Variants in CSMD1 observed in about 807,000 individuals in gnomAD.
CSMD1 encodes the protein CUB and Sushi multiple domains 1, also known as CUB and sushi domain-containing protein 1.
CSMD1 carries 213 observed loss-of-function variants against 417.5 expected under a neutral mutation model. That is an observed-to-expected ratio of 0.51 (90% confidence interval 0.46 to 0.57). CSMD1 has a LOEUF of 0.57. Among genes scored for constraint, CSMD1 ranks in the 20% least tolerant of loss-of-function variants. The pLI, the probability that CSMD1 is intolerant of heterozygous loss-of-function variation, is 0.00. For missense variants in CSMD1, 6,923 were observed against 4,529.7 expected, an observed-to-expected ratio of 1.53 and a Z score of -15.17; for synonymous variants, 2,862 against 1,736.8, an observed-to-expected ratio of 1.65 and a Z score of -16.11.
chr8:4,418,293 T>C (rs1257046841), intron 3 of CSMD1, among the ~76,000 whole-genome samples: 3 of 152,158 alleles, frequency 2.0e-5, no homozygotes, highest in Non-Finnish European at 2.9e-5. Flanking sequence ...TAGAAAGTTT[T>C]TCAGTTGATC....
intron 3 of CSMD1, among the ~76,000 whole-genome samples, chr8:4,173,503 G>C (rs752486654): frequency 2.0e-5 from 3 of 151,990 alleles, no homozygotes; most frequent in East Asian, 1.9e-4. Context: ...AAGTGCTCTC[G>C]GTAGATGGGG....
rs142206989 is a variant in CSMD1, at chr8:4,033,623, G to A, written c.416-1524C>T. 1.8e-4 allele frequency among the ~76,000 whole-genome samples: 27 copies of A among 152,248 alleles called. 1 individual carries two copies. The highest frequency in any genetic ancestry group is 5.8e-4 in the East Asian group (3 of 5,176). On this transcript the variant is annotated intron_variant, in intron 3 of 69. Transcript: ENST00000635120. ...TGTGGCTCAATCCTCTTGGGCACTT[G>A]TTCTCAGGACCTCCTGAGGGCTGCG...
At chr8:4,724,707 T>C (rs967707452) in intron 1 of CSMD1, among the ~76,000 whole-genome samples, 5 of 152,136 alleles carry the variant, frequency 3.3e-5, no homozygotes, top group African/African-American at 1.2e-4. Context: ...TTCTAAAAGA[T>C]GTATCTTGGT....
At chr8:3,269,734 G>T (rs528929951) in intron 26 of CSMD1, among the ~76,000 whole-genome samples, 79 of 152,280 alleles carry the variant, frequency 5.2e-4, no homozygotes, top group African/African-American at 1.8e-3. Context: ...TTTTATGCAT[G>T]ATTAAATGGT....
chr8:4,671,727 G>T (rs950602198), intron 1 of CSMD1, among the ~76,000 whole-genome samples: 2 of 147,872 alleles, frequency 1.4e-5, no homozygotes, highest in Non-Finnish European at 3.1e-5. Flanking sequence ...AGTATTGCTT[G>T]TGTGTGTGTG....
chr8:4,718,996 A>G (rs539130940), intron 1 of CSMD1, among the ~76,000 whole-genome samples: 2 of 152,284 alleles, frequency 1.3e-5, no homozygotes, highest in South Asian at 2.1e-4. Context: ...GAAGATATGT[A>G]GGTATGAGAA....
At chr8:3,762,829 G>A (rs1405968965) in intron 5 of CSMD1, among the ~76,000 whole-genome samples, 3 of 152,280 alleles carry the variant, frequency 2.0e-5, no homozygotes, top group South Asian at 2.1e-4. Flanking sequence ...CGTGTGTAAG[G>A]CAGCTGCCAG....
At chr8:4,817,102 C>T (rs894302333) in intron 1 of CSMD1, among the ~76,000 whole-genome samples, 1 of 152,124 alleles carries the variant, frequency 6.6e-6, no homozygotes, top group African/African-American at 2.4e-5. Flanking sequence ...TGTGTATATA[C>T]ATGCCTCCAT....
chr8:3,709,691 T>TTTTTTTTTTTTTTTTTTTTC (rs1801392983), intron 6 of CSMD1, among the ~76,000 whole-genome samples: 1 of 119,526 alleles, frequency 8.4e-6, no homozygotes, highest in Non-Finnish European at 1.8e-5. Context: ...TTTTTTTTTT[T>TTTTTTTTTTTTTTTTTTTTC]TTTTTTTTTT....
intron 2 of CSMD1, among the ~76,000 whole-genome samples, chr8:4,455,571 G>T (rs921104809): frequency 6.6e-6 from 1 of 152,070 alleles, no homozygotes; most frequent in South Asian, 2.1e-4. Flanking sequence ...TCCTGCTTGT[G>T]AGATCAAATT....
At chr8:4,470,934 T>A (rs532645423) in intron 2 of CSMD1, among the ~76,000 whole-genome samples, 1 of 152,194 alleles carries the variant, frequency 6.6e-6, no homozygotes, top group African/African-American at 2.4e-5. Context: ...AATAAGTATT[T>A]TTGGGATTTC....
intron 10 of CSMD1, among the ~76,000 whole-genome samples, chr8:3,553,724 A>C (rs1199162918): frequency 1.3e-5 from 2 of 152,226 alleles, no homozygotes; most frequent in African/African-American, 2.4e-5. Flanking sequence ...GAAGACATTA[A>C]AATATGTGAA....
At position 4,035,880 on chromosome 8, in the gene CSMD1, C is replaced by T. The variant is rs140940283; in HGVS notation, c.416-3781G>A. On this transcript the variant is annotated intron_variant, in intron 3 of 69. Coordinates refer to ENST00000635120, the MANE Select transcript of CSMD1 (RefSeq NM_033225.6). Reference sequence around the variant, plus strand: ...CAGTCGTACATAGTCCCGTCCGAAGCCTTCACAGTCACCCCTCACTCACAC... The same window carrying T: ...CAGTCGTACATAGTCCCGTCCGAAGTCTTCACAGTCACCCCTCACTCACAC... Among the ~76,000 whole-genome samples, 374 of 152,238 alleles carry T rather than the reference C, an allele frequency of 2.5e-3. 3 individuals are homozygous for T. The highest frequency in any genetic ancestry group is 8.7e-3 in the African/African-American group (362 of 41,536).
At chr8:3,974,554 A>AT (rs1381153493) in intron 5 of CSMD1, among the ~76,000 whole-genome samples, 12 of 152,158 alleles carry the variant, frequency 7.9e-5, no homozygotes, top group African/African-American at 2.4e-4. Flanking sequence ...AAATATTTAA[A>AT]TGTTTGCTTT....
At chr8:3,881,421 G>C (rs1806195157) in intron 5 of CSMD1, among the ~76,000 whole-genome samples, 1 of 151,506 alleles carries the variant, frequency 6.6e-6, no homozygotes, top group South Asian at 2.1e-4. Context: ...AGATCACAAG[G>C]TTAGGAGTTC....
chr8:3,893,339 T>TTATATACATATATATATATATATATATA (rs1807114199), intron 5 of CSMD1, among the ~76,000 whole-genome samples: 1 of 80,440 alleles, frequency 1.2e-5, no homozygotes, highest in East Asian at 3.3e-4. Context: ...ATTCACAATT[T>TTATATACATATATATATATATATATATA]TATATATATA....
chr8:3,949,079 T>C (rs1413022347), intron 5 of CSMD1, among the ~76,000 whole-genome samples: 1 of 152,196 alleles, frequency 6.6e-6, no homozygotes, highest in African/African-American at 2.4e-5. Context: ...TTTTAATTAA[T>C]AAATACAAAT....
At position 3,021,581 on chromosome 8, in the gene CSMD1, G is replaced by T. The variant is rs114260044; in HGVS notation, c.7856-2931C>A. Among the ~76,000 whole-genome samples the T allele has an allele frequency of 5.0e-3, 763 of 152,266 alleles. 7 individuals carry two copies. The highest frequency in any genetic ancestry group is 0.018 in the African/African-American group (730 of 41,544). On this transcript the variant is annotated intron_variant, in intron 51 of 69. Transcript: ENST00000635120. Reference sequence around the variant, plus strand: ...GTCCGCAGTGCTTCCTCTGAACTCTGGGAGCAAGTCTTTGCACAAAAAAGA... The same window carrying T: ...GTCCGCAGTGCTTCCTCTGAACTCTTGGAGCAAGTCTTTGCACAAAAAAGA...
At chr8:3,651,021 G>A (rs1006975663) in intron 7 of CSMD1, among the ~76,000 whole-genome samples, 3 of 152,086 alleles carry the variant, frequency 2.0e-5, no homozygotes, top group African/African-American at 4.8e-5. Flanking sequence ...AGTCAGCCTT[G>A]ACTCTTTTCA....
Sources: allele counts gnomAD v4.1 joint callset (sites outside exome capture counted in the v4.1 genomes callset), GRCh38; gene constraint gnomAD v4.1.1; transcripts MANE v1.5; gene names NCBI Gene and HGNC (gene_info 2026-07-23, HGNC 2026-07-21).